ARHGAP26: variants seen among roughly 807,000 people sequenced by gnomAD.
The protein encoded by ARHGAP26 is rho GTPase-activating protein 26.
A neutral mutation model predicts 104.8 loss-of-function variants in ARHGAP26; 38 were observed. That is an observed-to-expected ratio of 0.36 (90% CI 0.28 to 0.48). The LOEUF is 0.48. Among genes scored for constraint, ARHGAP26 ranks in the 20% least tolerant of loss-of-function variants. The probability of loss-of-function intolerance (pLI) is 0.99; values close to 1 mark genes in which losing one functional copy is unlikely to be tolerated. For synonymous variants in ARHGAP26, 341 were observed against 340.0 expected (o/e 1.00, Z -0.03); for missense variants, 704 against 947.9 (o/e 0.74, Z 3.38).
rs1378465721 is a variant in ARHGAP26, at chr5:143,006,323, T to C, written c.1108-7757T>C. On this transcript the variant is annotated intron_variant, in intron 11 of 22. Transcript: ENST00000645722. ...CCACCTTTAGTGTTTTTTCTTTTTT[T>C]TTTTTTTTTTTTTTTAATTGCAGTT... Among the ~76,000 whole-genome samples, 33 of 151,250 alleles carry C rather than the reference T, an allele frequency of 2.2e-4. No individual in the cohort carries two copies. The East Asian group carries it at 3.3e-3, about 15-fold the overall frequency.
At chr5:142,808,985 G>A (rs765729994) in intron 1 of ARHGAP26, among the ~76,000 whole-genome samples, 41 of 152,174 alleles carry the variant, frequency 2.7e-4, no homozygotes, top group Non-Finnish European at 5.4e-4. Flanking sequence ...TCAGATGGCT[G>A]CCCCTTTTTA....
chr5:143,126,032 A>G (rs541368365), intron 18 of ARHGAP26, among the ~76,000 whole-genome samples: 2 of 152,232 alleles, frequency 1.3e-5, no homozygotes, highest in Non-Finnish European at 2.9e-5. Flanking sequence ...AAAGATAAGT[A>G]AAATAGGTCC....
chr5:142,943,861 G>A (rs969906091), intron 11 of ARHGAP26, among the ~76,000 whole-genome samples: 2 of 151,824 alleles, frequency 1.3e-5, no homozygotes, highest in Non-Finnish European at 2.9e-5. Context: ...TTAATCTTTT[G>A]CCATTATTTT....
intron 11 of ARHGAP26, among the ~76,000 whole-genome samples, chr5:142,961,601 C>G (rs10080138): frequency 6.6e-6 from 1 of 152,144 alleles, no homozygotes; most frequent in Non-Finnish European, 1.5e-5. Flanking sequence ...AGCCTGTCAC[C>G]TGACCTATGG....
At chr5:143,048,241 T>C (rs4912893) in intron 14 of ARHGAP26, among the ~76,000 whole-genome samples, 73,588 of 151,998 alleles carry the variant, frequency 0.48, 22,658 homozygotes, top group Non-Finnish European at 0.69. Flanking sequence ...TTAAACTTTA[T>C]GGTGCATTTG....
At chr5:143,082,009 CAAAAAAAAAAAAA>C (rs71576162) in intron 17 of ARHGAP26, among the ~76,000 whole-genome samples, 1 of 38,276 alleles carries the variant, frequency 2.6e-5, no homozygotes, top group Non-Finnish European at 5.9e-5. Flanking sequence ...GACTCCATCT[CAAAAAAAAAAAAA>C]AAAAAAAAAA....
At chr5:143,107,468 C>A (rs2150683143) in intron 17 of ARHGAP26, among the ~76,000 whole-genome samples, 1 of 152,268 alleles carries the variant, frequency 6.6e-6, no homozygotes, top group Middle Eastern at 3.4e-3. Flanking sequence ...GTATTTCTCC[C>A]CCTATCTCAG....
chr5:142,924,551 C>T (rs1554156569), intron 10 of ARHGAP26, among the ~76,000 whole-genome samples: 1 of 152,234 alleles, frequency 6.6e-6, no homozygotes, highest in Non-Finnish European at 1.5e-5. Flanking sequence ...GTGGTTAGCA[C>T]ATAATAAACA....
intron 21 of ARHGAP26, among the ~76,000 whole-genome samples, chr5:143,209,938 A>G (rs758575079): frequency 6.6e-5 from 10 of 152,162 alleles, no homozygotes; most frequent in Non-Finnish European, 1.2e-4. Flanking sequence ...GTATACACCC[A>G]TTATTCAGGT....
chr5:143,176,926 G>C (rs1305624405), intron 20 of ARHGAP26, among the ~76,000 whole-genome samples: 2 of 152,236 alleles, frequency 1.3e-5, no homozygotes, highest in African/African-American at 4.8e-5. Flanking sequence ...GCCATGTAAA[G>C]TATATAACTA....
At chr5:143,212,484 T>C (rs1271877250) in intron 21 of ARHGAP26, among the ~76,000 whole-genome samples, 1 of 152,176 alleles carries the variant, frequency 6.6e-6, no homozygotes, top group Non-Finnish European at 1.5e-5. Flanking sequence ...TCCTGAACTT[T>C]ATTCTGTCAT....
chr5:143,107,350 G>A (rs1411311305), intron 17 of ARHGAP26, among the ~76,000 whole-genome samples: 1 of 152,200 alleles, frequency 6.6e-6, no homozygotes, highest in Non-Finnish European at 1.5e-5. Context: ...TTTCATCTCT[G>A]TAGATTTATA....
chr5:142,834,531 G>A (rs898243673), intron 1 of ARHGAP26, among the ~76,000 whole-genome samples: 1 of 152,220 alleles, frequency 6.6e-6, no homozygotes, highest in African/African-American at 2.4e-5. Flanking sequence ...TTTATTTCTT[G>A]TGACTCAGTG....
intron 1 of ARHGAP26, chr5:142,772,959 T>C (rs1755540497): frequency 1.9e-6 from 1 of 524,356 alleles, no homozygotes; most frequent in Admixed American, 2.0e-5. Flanking sequence ...TTAAGCTGTC[T>C]AATGGAATGG....
At chr5:143,008,307 C>CTTAGGTT (rs1778268644) in intron 11 of ARHGAP26, among the ~76,000 whole-genome samples, 1 of 152,158 alleles carries the variant, frequency 6.6e-6, no homozygotes, top group East Asian at 1.9e-4. Context: ...GGACTTTGAA[C>CTTAGGTT]CTAAGCAGTA....
chr5:142,949,293 G>T (rs1767927837), intron 11 of ARHGAP26, among the ~76,000 whole-genome samples: 1 of 142,714 alleles, frequency 7.0e-6, no homozygotes, highest in East Asian at 2.3e-4. Context: ...TCCAGTTTTT[G>T]TTGCAAAGGA....
intron 18 of ARHGAP26, among the ~76,000 whole-genome samples, chr5:143,125,814 A>G (rs1411996415): frequency 1.3e-5 from 2 of 152,178 alleles, no homozygotes; most frequent in Non-Finnish European, 2.9e-5. Context: ...CCATCATTCA[A>G]TTTTCACAGC....
At chr5:143,190,823 A>T (rs1805821223) in intron 20 of ARHGAP26, among the ~76,000 whole-genome samples, 1 of 152,264 alleles carries the variant, frequency 6.6e-6, no homozygotes, top group African/African-American at 2.4e-5. Flanking sequence ...CAATAAGAAC[A>T]TGGTGTCCAT....
intron 11 of ARHGAP26, among the ~76,000 whole-genome samples, chr5:142,937,289 G>A (rs1019418454): frequency 5.3e-5 from 8 of 152,138 alleles, no homozygotes; most frequent in African/African-American, 1.9e-4. Flanking sequence ...TGGCGAATAA[G>A]CACAGGAAAA....
Sources: gnomAD v4.1 joint callset for allele counts (sites outside exome capture counted in the v4.1 genomes callset) on GRCh38, gnomAD v4.1.1 for gene constraint, MANE v1.5 for transcripts, NCBI Gene and HGNC (gene_info 2026-07-23, HGNC 2026-07-21) for gene names.